The following PPARGC1A variants were observed in gnomAD, a reference collection of about 807,000 sequenced individuals.
PPARGC1A encodes peroxisome proliferator-activated receptor gamma coactivator 1-alpha.
PPARGC1A carries 25 observed loss-of-function variants against 88.7 expected under a neutral mutation model. That is an observed-to-expected ratio of 0.28 (90% CI 0.21 to 0.39). The LOEUF (loss-of-function observed/expected upper bound fraction) is 0.39, where lower values mean the gene tolerates loss of function less well. Among genes scored for constraint, PPARGC1A ranks in the 10% least tolerant of loss-of-function variants. The pLI, the probability that PPARGC1A is intolerant of heterozygous loss-of-function variation, is 1.00. For synonymous variants in PPARGC1A, 363 were observed against 355.6 expected, an observed-to-expected ratio of 1.02 and a Z score of -0.24; for missense variants, 880 against 968.7, an observed-to-expected ratio of 0.91 and a Z score of 1.22.
the PPARGC1A span, among the ~76,000 whole-genome samples, chr4:24,398,018 T>G: frequency 3.3e-5 from 5 of 152,184 alleles, no homozygotes; most frequent in African/African-American, 9.7e-5. Context: ...AAAGTGACAC[T>G]GCCAATTCCT....
the PPARGC1A span, among the ~76,000 whole-genome samples, chr4:24,240,743 A>AT: frequency 1.3e-5 from 2 of 152,160 alleles, no homozygotes; most frequent in African/African-American, 4.8e-5. Context: ...TAGCAGAGGA[A>AT]TGTAGCTAGT....
At chr4:24,234,623 T>A in the PPARGC1A span, among the ~76,000 whole-genome samples, 2 of 152,218 alleles carry the variant, frequency 1.3e-5, no homozygotes, top group Non-Finnish European at 2.9e-5. Context: ...ATGGATTCTA[T>A]CTTTGTCTTT....
chr4:23,989,712 A>G, the PPARGC1A span, among the ~76,000 whole-genome samples: 1 of 151,948 alleles, frequency 6.6e-6, no homozygotes, highest in East Asian at 1.9e-4. Context: ...TGAGCAAATG[A>G]ATACTAAAGT....
chr4:23,815,640 C>T (rs1163149664), intron 7 of PPARGC1A, among the ~76,000 whole-genome samples: 2 of 152,078 alleles, frequency 1.3e-5, no homozygotes, highest in Admixed American at 1.3e-4. Flanking sequence ...GAGTTTTCCC[C>T]CAAGTAAGCC....
chr4:24,343,627 T>C, the PPARGC1A span, among the ~76,000 whole-genome samples: 105 of 152,340 alleles, frequency 6.9e-4, 1 homozygote, highest in African/African-American at 2.4e-3. Flanking sequence ...GAATGGACTA[T>C]GGCAGTCATC....
the PPARGC1A span, among the ~76,000 whole-genome samples, chr4:24,285,812 T>G: frequency 4.6e-5 from 7 of 152,296 alleles, no homozygotes; most frequent in Non-Finnish European, 1.0e-4. Context: ...ATATTCTTCA[T>G]TTCCCCACCA....
chr4:24,175,558 T>TTC, the PPARGC1A span, among the ~76,000 whole-genome samples: 2 of 146,942 alleles, frequency 1.4e-5, no homozygotes, highest in African/African-American at 5.0e-5. Flanking sequence ...TTTTTTTTTT[T>TTC]TGTATTTTTA....
chr4:23,804,338 T>C (rs1195788351), intron 10 of PPARGC1A, among the ~76,000 whole-genome samples: 1 of 152,186 alleles, frequency 6.6e-6, no homozygotes, highest in Non-Finnish European at 1.5e-5. Flanking sequence ...GTCTAACCAC[T>C]CAAGTCCTAT....
At chr4:24,282,457 TG>T in the PPARGC1A span, among the ~76,000 whole-genome samples, 19 of 152,220 alleles carry the variant, frequency 1.2e-4, no homozygotes, top group African/African-American at 3.9e-4. Context: ...AAAGAAAGGC[TG>T]GTATTTTAGG....
the PPARGC1A span, among the ~76,000 whole-genome samples, chr4:24,401,015 C>CTTTTTTT: frequency 3.7e-4 from 37 of 99,820 alleles, 2 homozygotes; most frequent in Admixed American, 7.0e-4. Flanking sequence ...CCTGAATTTT[C>CTTTTTTT]TTTTTTTTTT....
chr4:24,193,322 T>C, the PPARGC1A span, among the ~76,000 whole-genome samples: 6 of 152,192 alleles, frequency 3.9e-5, no homozygotes, highest in African/African-American at 1.4e-4. Flanking sequence ...CACAGTAACA[T>C]GGAGTGGTAC....
chr4:24,026,734 G>A, the PPARGC1A span, among the ~76,000 whole-genome samples: 1 of 152,050 alleles, frequency 6.6e-6, no homozygotes, highest in Non-Finnish European at 1.5e-5. Context: ...TGCACAACAG[G>A]CAATCATCTG....
chr4:24,261,952 A>T, the PPARGC1A span, among the ~76,000 whole-genome samples: 1 of 152,206 alleles, frequency 6.6e-6, no homozygotes, highest in Non-Finnish European at 1.5e-5. Flanking sequence ...TTTGACAAAG[A>T]TTTTATACAA....
the PPARGC1A span, among the ~76,000 whole-genome samples, chr4:24,173,354 A>G: frequency 5.3e-5 from 8 of 152,010 alleles, no homozygotes; most frequent in Non-Finnish European, 8.8e-5. Context: ...AAAAAAAAAA[A>G]AAAGAAAAAA....
chr4:24,407,354 G>C, the PPARGC1A span, among the ~76,000 whole-genome samples: 2 of 152,154 alleles, frequency 1.3e-5, no homozygotes, highest in Non-Finnish European at 2.9e-5. Context: ...AACATGAAAC[G>C]AGGGCGTCAT....
Position 23,793,911 on chromosome 4 carries a change from C to T in PPARGC1A, c.*1911G>A, listed in dbSNP as rs1420383678. 6.6e-6 allele frequency: 1 copy of T among 152,462 alleles called. No individual in the cohort carries two copies. The highest frequency in any genetic ancestry group is 1.9e-4 in the East Asian group (1 of 5,186). 9.4% of individuals were successfully genotyped at this position (152,462 alleles called of 1,614,324 possible). ...TTTCCACTGGCTTTATTATTTTCAT[C>T]ATCTCATAATTTATAATAAATAGGC... On this transcript the variant is annotated 3_prime_UTR_variant, in exon 13 of 13. Coordinates refer to ENST00000264867, the MANE Select transcript of PPARGC1A (RefSeq NM_013261.5).
At chr4:23,910,357 T>TTA in the PPARGC1A span, among the ~76,000 whole-genome samples, 9 of 101,506 alleles carry the variant, frequency 8.9e-5, no homozygotes. Flanking sequence ...ATTATATATA[T>TTA]TATATATATT....
At chr4:24,118,635 T>C in the PPARGC1A span, among the ~76,000 whole-genome samples, 1 of 152,162 alleles carries the variant, frequency 6.6e-6, no homozygotes, top group Non-Finnish European at 1.5e-5. Context: ...ACCATTTTCC[T>C]CCATTCTAGA....
the PPARGC1A span, among the ~76,000 whole-genome samples, chr4:24,239,812 A>C: frequency 6.6e-6 from 1 of 152,212 alleles, no homozygotes; most frequent in Non-Finnish European, 1.5e-5. Flanking sequence ...ATGCCAATGC[A>C]GCAAAATAAA....
Sources: gnomAD v4.1 joint callset for allele counts (sites outside exome capture counted in the v4.1 genomes callset) on GRCh38, gnomAD v4.1.1 for gene constraint, MANE v1.5 for transcripts, NCBI Gene and HGNC (gene_info 2026-07-23, HGNC 2026-07-21) for gene names.